Variants in LSAMP observed in about 807,000 individuals in gnomAD.
LSAMP encodes limbic system-associated membrane protein.
In LSAMP, 7 loss-of-function variants were observed where a neutral mutation model predicts 38.6. The observed-to-expected ratio is 0.18, with a 90% CI of 0.10 to 0.34. The LOEUF (loss-of-function observed/expected upper bound fraction) is 0.34. Ranked by LOEUF, LSAMP falls within the 10% of genes least tolerant of loss-of-function variation. LSAMP has a pLI of 1.00. For synonymous variants in LSAMP, 154 were observed against 166.8 expected (o/e 0.92, Z 0.59); for missense variants, 313 against 420.0 (o/e 0.75, Z 2.23).
chr3:116,046,957 C>T (rs931654370), intron 2 of LSAMP, among the ~76,000 whole-genome samples: 6 of 152,100 alleles, frequency 3.9e-5, no homozygotes, highest in African/African-American at 1.4e-4. Context: ...AATGGCTGAT[C>T]AGGTCAGAGT....
rs114572030 is a variant in LSAMP, at chr3:115,840,033, C to G, written c.919+1812G>C. 4.5e-3 allele frequency among the ~76,000 whole-genome samples: 681 copies of G among 152,102 alleles called. 2 individuals carry two copies. Among genetic ancestry groups the G allele is most frequent in the African/African-American group, 0.015 (633 of 41,546 alleles). ...TTGCCTTTGACCAACTCTATGCTCACTTTCCCTTCTCCCTCAAGTATTCCA... is the reference window on the plus strand; with the variant it reads ...TTGCCTTTGACCAACTCTATGCTCAGTTTCCCTTCTCCCTCAAGTATTCCA... On this transcript the variant is annotated intron_variant, in intron 6 of 6. Coordinates refer to ENST00000490035, the MANE Select transcript of LSAMP (RefSeq NM_002338.5).
At chr3:116,329,420 A>G in intron 1 of LSAMP, among the ~76,000 whole-genome samples, 1 of 152,182 alleles carries the variant, frequency 6.6e-6, no homozygotes, top group Non-Finnish European at 1.5e-5. Flanking sequence ...AAGCACTGAA[A>G]TTAAAGTAGT....
chr3:115,953,880 G>T (rs1213382676), intron 3 of LSAMP, among the ~76,000 whole-genome samples: 1 of 152,088 alleles, frequency 6.6e-6, no homozygotes, highest in African/African-American at 2.4e-5. Context: ...GGAATGCTCT[G>T]CCCAGTTCTT....
chr3:116,182,330 A>C (rs1290954236), intron 1 of LSAMP, among the ~76,000 whole-genome samples: 1 of 151,500 alleles, frequency 6.6e-6, no homozygotes, highest in Non-Finnish European at 1.5e-5. Flanking sequence ...TACCTCATTT[A>C]TTTCTTTATA....
chr3:116,071,959 A>G lies in LSAMP; in HGVS notation c.388+14365T>C, dbSNP rs575593575. On this transcript the variant is annotated intron_variant, in intron 2 of 6. Coordinates refer to ENST00000490035, the MANE Select transcript of LSAMP (RefSeq NM_002338.5). ...CCTTTTTGTGGCTGCATAGTATTCC[A>G]TGGTGTATATGTAGCTTTTTTTTTT... 1.3e-3 allele frequency among the ~76,000 whole-genome samples: 196 copies of G among 148,106 alleles called. 2 individuals carry two copies. Among genetic ancestry groups the G allele is most frequent in the Admixed American group, 3.4e-3 (50 of 14,844 alleles).
chr3:115,838,737 C>A (rs1934880225), intron 6 of LSAMP, among the ~76,000 whole-genome samples: 1 of 152,182 alleles, frequency 6.6e-6, no homozygotes, highest in African/African-American at 2.4e-5. Flanking sequence ...TGTATTCTTA[C>A]ACCCTCATTC....
intron 1 of LSAMP, among the ~76,000 whole-genome samples, chr3:116,195,407 T>C (rs1710859467): frequency 6.6e-6 from 1 of 152,218 alleles, no homozygotes; most frequent in Non-Finnish European, 1.5e-5. Context: ...ATATTTCTGA[T>C]TAAATAAATT....
intron 1 of LSAMP, among the ~76,000 whole-genome samples, chr3:116,442,899 A>G (rs924753718): frequency 6.6e-6 from 1 of 152,248 alleles, no homozygotes; most frequent in Non-Finnish European, 1.5e-5. Flanking sequence ...AGATATGTAT[A>G]CAGTGAGACT....
At chr3:116,398,160 G>A (rs544651963) in intron 1 of LSAMP, among the ~76,000 whole-genome samples, 125 of 152,068 alleles carry the variant, frequency 8.2e-4, no homozygotes, top group Non-Finnish European at 1.5e-3. Flanking sequence ...AATTTAAGAC[G>A]TATAATAAAG....
chr3:115,913,606 C>A (rs1175380111), intron 3 of LSAMP, among the ~76,000 whole-genome samples: 1 of 152,108 alleles, frequency 6.6e-6, no homozygotes, highest in Non-Finnish European at 1.5e-5. Context: ...CTTTCTTCAA[C>A]AAAGTTCTTT....
At chr3:116,155,416 T>C (rs1403684741) in intron 1 of LSAMP, among the ~76,000 whole-genome samples, 3 of 151,880 alleles carry the variant, frequency 2.0e-5, no homozygotes, top group Non-Finnish European at 4.4e-5. Context: ...TTAGTAGAGA[T>C]GGGGTTTCAC....
At chr3:116,343,614 G>T (rs768053756) in intron 1 of LSAMP, among the ~76,000 whole-genome samples, 7 of 152,110 alleles carry the variant, frequency 4.6e-5, no homozygotes, top group Non-Finnish European at 7.4e-5. Flanking sequence ...CAATCTTTAT[G>T]ATAGATTCAG....
At chr3:115,816,254 A>G (rs1054212011) in intron 6 of LSAMP, among the ~76,000 whole-genome samples, 2 of 152,190 alleles carry the variant, frequency 1.3e-5, no homozygotes, top group South Asian at 2.1e-4. Flanking sequence ...TAGGCTCTGC[A>G]TCTTTTCTGA....
intron 3 of LSAMP, among the ~76,000 whole-genome samples, chr3:115,858,334 TA>T (rs199778322): frequency 6.6e-6 from 1 of 152,290 alleles, no homozygotes; most frequent in Admixed American, 6.5e-5. Context: ...TATTTGGAAT[TA>T]AAAATTTTTT....
At chr3:116,081,236 G>T (rs1036915875) in intron 2 of LSAMP, among the ~76,000 whole-genome samples, 6 of 152,160 alleles carry the variant, frequency 3.9e-5, no homozygotes, top group African/African-American at 1.4e-4. Flanking sequence ...GGCTGAGGCG[G>T]GTGGATCACA....
intron 3 of LSAMP, among the ~76,000 whole-genome samples, chr3:115,950,872 A>G (rs574848886): frequency 7.1e-4 from 108 of 151,736 alleles, no homozygotes; most frequent in Middle Eastern, 3.4e-3. Context: ...CTACAAGGCT[A>G]TAGTTACCAA....
At chr3:116,124,459 TG>T (rs1473352912) in intron 1 of LSAMP, among the ~76,000 whole-genome samples, 38 of 152,336 alleles carry the variant, frequency 2.5e-4, no homozygotes, top group African/African-American at 8.4e-4. Context: ...AAAGTTGATT[TG>T]CATTAAGTCA....
intron 1 of LSAMP, among the ~76,000 whole-genome samples, chr3:116,432,192 C>T (rs1351762915): frequency 6.6e-6 from 1 of 151,776 alleles, no homozygotes; most frequent in Non-Finnish European, 1.5e-5. Flanking sequence ...ATAAGTGATG[C>T]AACAAATTAA....
intron 4 of LSAMP, among the ~76,000 whole-genome samples, chr3:115,843,286 A>G (rs1218722070): frequency 6.6e-6 from 1 of 152,270 alleles, no homozygotes; most frequent in East Asian, 1.9e-4. Context: ...TTTTATGCCC[A>G]GGAATGGGCC....
Sources: gnomAD v4.1 joint callset for allele counts (sites outside exome capture counted in the v4.1 genomes callset) on GRCh38, gnomAD v4.1.1 for gene constraint, MANE v1.5 for transcripts, NCBI Gene and HGNC (gene_info 2026-07-23, HGNC 2026-07-21) for gene names.